The following QRFPR variants were observed in gnomAD, a reference collection of about 807,000 sequenced individuals.
QRFPR encodes pyroglutamylated RFamide peptide receptor.
In QRFPR, 37 loss-of-function variants were observed where a neutral mutation model predicts 31.3. The ratio of observed to expected loss-of-function variants is 1.18; its 90% CI spans 0.91 to 1.56. The LOEUF is 1.56. Ranked by LOEUF, QRFPR falls within the 40% of genes most tolerant of loss-of-function variation. The probability of loss-of-function intolerance (pLI) is 0.00; values close to 1 mark genes in which losing one functional copy is unlikely to be tolerated. For missense variants in QRFPR, 542 were observed against 532.5 expected, an observed-to-expected ratio of 1.02 and a Z score of -0.18; for synonymous variants, 197 against 192.0, an observed-to-expected ratio of 1.03 and a Z score of -0.22.
At chr4:121,360,853 C>T (rs755706463) in intron 1 of QRFPR, among the ~76,000 whole-genome samples, 6 of 152,164 alleles carry the variant, frequency 3.9e-5, no homozygotes, top group Non-Finnish European at 7.4e-5. Context: ...TGCCAAACTC[C>T]AGGCATACAG....
chr4:121,360,497 A>T (rs1341091033), intron 1 of QRFPR, among the ~76,000 whole-genome samples: 2 of 152,120 alleles, frequency 1.3e-5, no homozygotes, highest in African/African-American at 4.8e-5. Context: ...TTTTAGGTCA[A>T]CTGTGCTTGC....
intron 1 of QRFPR, among the ~76,000 whole-genome samples, chr4:121,366,649 A>C (rs531329006): frequency 1.3e-5 from 2 of 150,092 alleles, no homozygotes; most frequent in South Asian, 4.2e-4. Context: ...ACAAAGTGAG[A>C]CTAGCAGAAG....
At chr4:121,350,598 A>G (rs1725746013) in intron 1 of QRFPR, among the ~76,000 whole-genome samples, 1 of 152,232 alleles carries the variant, frequency 6.6e-6, no homozygotes, top group African/African-American at 2.4e-5. Context: ...CATTCGGCAC[A>G]TGCATCCCTT....
intron 1 of QRFPR, among the ~76,000 whole-genome samples, chr4:121,379,218 C>T (rs1418173723): frequency 2.0e-5 from 3 of 152,162 alleles, no homozygotes; most frequent in African/African-American, 7.2e-5. Context: ...AGGACTTTAA[C>T]ATTCTGACTG....
chr4:121,331,156 T>C (rs1009829024), intron 4 of QRFPR, among the ~76,000 whole-genome samples: 5 of 147,412 alleles, frequency 3.4e-5, no homozygotes, highest in African/African-American at 1.2e-4. Context: ...TAAATGGATA[T>C]CTATACGATA....
intron 1 of QRFPR, among the ~76,000 whole-genome samples, chr4:121,347,688 C>T (rs1170362376): frequency 6.6e-6 from 1 of 152,122 alleles, no homozygotes; most frequent in African/African-American, 2.4e-5. Flanking sequence ...CTCCTATTTT[C>T]GCATTCTTCT....
intron 1 of QRFPR, among the ~76,000 whole-genome samples, chr4:121,363,860 A>T (rs537382785): frequency 6.7e-6 from 1 of 150,062 alleles, no homozygotes; most frequent in African/African-American, 2.5e-5. Context: ...GAATATCAGG[A>T]TGGGATAGTT....
chr4:121,379,166 T>G (rs1286019709), intron 1 of QRFPR, among the ~76,000 whole-genome samples: 1 of 152,248 alleles, frequency 6.6e-6, no homozygotes, highest in Non-Finnish European at 1.5e-5. Context: ...CAATGTTTAA[T>G]GCTTTTTTGA....
chr4:121,329,206 C>A lies in QRFPR; in HGVS notation c.*108G>T. Reference sequence around the variant, plus strand: ...TTTTAATGGAAACATGATTTGTTTTCTTCTTGTCATCATCTTAAGAATAAA... The same window carrying A: ...TTTTAATGGAAACATGATTTGTTTTATTCTTGTCATCATCTTAAGAATAAA... On this transcript the variant is annotated 3_prime_UTR_variant, in exon 6 of 6. Transcript: ENST00000394427. 1 of 879,924 alleles carries A rather than the reference C, an allele frequency of 1.1e-6. No homozygotes were observed. The highest frequency in any genetic ancestry group is 1.7e-6 in the Non-Finnish European group (1 of 595,348). The allele number at this position is 879,924 out of a possible 1,614,324, so 54.5% of individuals were successfully genotyped here.
intron 1 of QRFPR, among the ~76,000 whole-genome samples, chr4:121,341,216 A>T (rs2110470612): frequency 6.6e-6 from 1 of 152,330 alleles, no homozygotes; most frequent in African/African-American, 2.4e-5. Context: ...AAAATATTTG[A>T]ATGTATTGTC....
At chr4:121,352,442 T>A (rs539509856) in intron 1 of QRFPR, among the ~76,000 whole-genome samples, 1 of 152,206 alleles carries the variant, frequency 6.6e-6, no homozygotes, top group East Asian at 1.9e-4. Flanking sequence ...AAACGAAGTA[T>A]GTACTTTCTC....
rs1423882532 is a variant in QRFPR at position 121,362,819 on chromosome 4, T to TAA, written c.340+17488_340+17489insTT. ...GAGAAAGACCACTTAAAAAGAAGTC[T>TAA]GCCTAGGATAAAAGCAAATCCAATT... On this transcript the variant is annotated intron_variant, in intron 1 of 5. Coordinates refer to ENST00000394427, the MANE Select transcript of QRFPR (RefSeq NM_198179.3). Among the ~76,000 whole-genome samples, 4 of 150,356 alleles carry TAA rather than the reference T, an allele frequency of 2.7e-5. 1 individual carries two copies. Among genetic ancestry groups the TAA allele is most frequent in the Non-Finnish European group, 5.9e-5 (4 of 67,656 alleles).
At chr4:121,345,845 A>G (rs1160599539) in intron 1 of QRFPR, among the ~76,000 whole-genome samples, 1 of 152,200 alleles carries the variant, frequency 6.6e-6, no homozygotes, top group African/African-American at 2.4e-5. Context: ...AGACTACATT[A>G]TTTCTAAACA....
At chr4:121,345,841 C>T (rs529227273) in intron 1 of QRFPR, among the ~76,000 whole-genome samples, 113 of 152,268 alleles carry the variant, frequency 7.4e-4, no homozygotes, top group African/African-American at 2.6e-3. Context: ...AACAAGACTA[C>T]ATTATTTCTA....
At chr4:121,343,700 T>C (rs1219369368) in intron 1 of QRFPR, among the ~76,000 whole-genome samples, 1 of 152,222 alleles carries the variant, frequency 6.6e-6, no homozygotes, top group Non-Finnish European at 1.5e-5. Context: ...CTTTTTCTAT[T>C]GAGAAGAACC....
At chr4:121,379,517 G>A (rs17438865) in intron 1 of QRFPR, among the ~76,000 whole-genome samples, 25,275 of 152,218 alleles carry the variant, frequency 0.17, 2,697 homozygotes, top group Non-Finnish European at 0.24. Flanking sequence ...GCATTCTCCA[G>A]CTGTGTTCTT....
In QRFPR at chr4:121,367,995, G is replaced by T. The variant is rs1372300223; in HGVS notation, c.340+12313C>A. ...TTTTAGACTCCAGGGCCTCTCTATG[G>T]AAAGGCCAGCTTCTTACACAGACAA... On this transcript the variant is annotated intron_variant, in intron 1 of 5. Coordinates refer to ENST00000394427, the MANE Select transcript of QRFPR (RefSeq NM_198179.3). Among the ~76,000 whole-genome samples the T allele has an allele frequency of 2.0e-5, 3 of 149,188 alleles. No homozygotes were observed. In the East Asian group the frequency reaches 6.0e-4, roughly 30 times the overall value.
chr4:121,375,068 C>G (rs1223793144), intron 1 of QRFPR, among the ~76,000 whole-genome samples: 1 of 152,158 alleles, frequency 6.6e-6, no homozygotes, highest in East Asian at 1.9e-4. Flanking sequence ...AGGCACACCC[C>G]AAACACTCCC....
chr4:121,339,665 A>G (rs1725500582), intron 2 of QRFPR, among the ~76,000 whole-genome samples: 1 of 152,124 alleles, frequency 6.6e-6, no homozygotes, highest in Non-Finnish European at 1.5e-5. Context: ...GGCCAGGTGC[A>G]GTGGCTCACA....
Sources: gnomAD v4.1 joint callset for allele counts (sites outside exome capture counted in the v4.1 genomes callset) on GRCh38, gnomAD v4.1.1 for gene constraint, MANE v1.5 for transcripts, NCBI Gene and HGNC (gene_info 2026-07-23, HGNC 2026-07-21) for gene names.